Variants in APBA2 observed in about 807,000 individuals in gnomAD.
APBA2 encodes amyloid beta precursor protein binding family A member 2, also known as amyloid-beta A4 precursor protein-binding family A member 2.
In APBA2, 30 loss-of-function variants were observed where a neutral mutation model predicts 75.0. That is an observed-to-expected ratio of 0.40 (90% CI 0.30 to 0.54). APBA2 has a LOEUF of 0.54. Among genes scored for constraint, APBA2 ranks in the 20% least tolerant of loss-of-function variants. The probability of loss-of-function intolerance (pLI) is 0.49; values close to 1 mark genes in which losing one functional copy is unlikely to be tolerated. For missense variants in APBA2, 801 were observed against 1,016.1 expected, an observed-to-expected ratio of 0.79 and a Z score of 2.88; for synonymous variants, 444 against 409.6, an observed-to-expected ratio of 1.08 and a Z score of -1.01.
chr15:28,997,162 C>G (rs1437961206), intron 3 of APBA2, among the ~76,000 whole-genome samples: 1 of 152,206 alleles, frequency 6.6e-6, no homozygotes, highest in African/African-American at 2.4e-5. Flanking sequence ...GGGGAGCATT[C>G]TTGTCACAAA....
chr15:28,915,299 T>TATACCAC (rs2033637501), intron 1 of APBA2, among the ~76,000 whole-genome samples: 1 of 4,372 alleles, frequency 2.3e-4, no homozygotes, highest in African/African-American at 7.8e-4. Context: ...ATACCCCATA[T>TATACCAC]ACACCACACA....
chr15:29,112,950 C>T (rs1236905312), intron 13 of APBA2, among the ~76,000 whole-genome samples: 3 of 152,136 alleles, frequency 2.0e-5, no homozygotes, highest in Non-Finnish European at 2.9e-5. Context: ...TGGCATCACA[C>T]AGTGTTTGTT....
intron 2 of APBA2, among the ~76,000 whole-genome samples, chr15:28,983,373 A>G (rs934055405): frequency 1.3e-4 from 20 of 152,072 alleles, no homozygotes; most frequent in Non-Finnish European, 2.4e-4. Flanking sequence ...GCGGGAGAGT[A>G]ATTGGCTTTG....
intron 4 of APBA2, among the ~76,000 whole-genome samples, chr15:29,059,452 T>C (rs1468789192): frequency 6.6e-6 from 1 of 152,142 alleles, no homozygotes; most frequent in Admixed American, 6.5e-5. Flanking sequence ...ATTTGCAGAT[T>C]CATGGGACAA....
chr15:28,936,757 A>G (rs1297406880), intron 2 of APBA2, among the ~76,000 whole-genome samples: 1 of 152,192 alleles, frequency 6.6e-6, no homozygotes, highest in Non-Finnish European at 1.5e-5. Context: ...GTTAAAGGGA[A>G]GCACAGTGGG....
At chr15:28,974,069 G>A (rs1473405710) in intron 2 of APBA2, among the ~76,000 whole-genome samples, 1 of 152,120 alleles carries the variant, frequency 6.6e-6, no homozygotes, top group Non-Finnish European at 1.5e-5. Flanking sequence ...GGTTCACATA[G>A]TGGCACCCAA....
intron 4 of APBA2, among the ~76,000 whole-genome samples, chr15:29,071,450 CCACTACAGTT>C (rs1482575389): frequency 1.3e-5 from 2 of 151,562 alleles, no homozygotes; most frequent in African/African-American, 4.9e-5. Flanking sequence ...GTTTCAGGCC[CCACTACAGTT>C]ACTCAGCGAC....
rs2043964560 is a variant in APBA2, at chr15:29,098,542, C to T, written c.1304C>T (p.Thr435Ile). Residue 435 changes from threonine (T) to isoleucine (I), a missense_variant, in exon 9 of 15, where the codon ACC becomes ATC. Thr to Ile is a moderately conservative substitution (Grantham distance 89). Around this residue, in one of 2 missense-constraint regions of APBA2, gnomAD observed 367 missense variants for 544.5 expected, o/e 0.67. Coordinates refer to ENST00000683413, the MANE Select transcript of APBA2 (RefSeq NM_001353788.2). ...ACGGAAGTGGACCTCTTCATTTCCA[C>T]CCAGAGGATCAAGGTTTTAAATGCA... Reference protein sequence around the residue: ...TLTEVDLFISTQRIKVLNADT... With the variant: ...TLTEVDLFISIQRIKVLNADT... The T allele has an allele frequency of 6.2e-7, 1 of 1,614,114 alleles. No individual in the cohort carries two copies. Among genetic ancestry groups the T allele is most frequent in the Non-Finnish European group, 8.5e-7 (1 of 1,179,982 alleles).
chr15:29,071,527 A>G (rs1028983470), intron 4 of APBA2, among the ~76,000 whole-genome samples: 13 of 150,694 alleles, frequency 8.6e-5, no homozygotes, highest in African/African-American at 3.2e-4. Context: ...CCTGGCTGGC[A>G]TCTTGTTTTG....
chr15:29,074,489 G>A (rs2042760423), intron 4 of APBA2, among the ~76,000 whole-genome samples: 1 of 152,172 alleles, frequency 6.6e-6, no homozygotes, highest in Non-Finnish European at 1.5e-5. Context: ...GTTGGCAGGG[G>A]CTCAGGTTGG....
intron 8 of APBA2, among the ~76,000 whole-genome samples, chr15:29,095,721 C>T (rs1051872016): frequency 2.0e-5 from 3 of 152,212 alleles, no homozygotes; most frequent in African/African-American, 7.2e-5. Flanking sequence ...AGACTTTGGT[C>T]CACCTAGGAT....
At chr15:28,957,281 T>C (rs2036223158) in intron 2 of APBA2, among the ~76,000 whole-genome samples, 1 of 152,024 alleles carries the variant, frequency 6.6e-6, no homozygotes, top group East Asian at 1.9e-4. Flanking sequence ...TTCACTGTGT[T>C]AGCCACGATG....
At chr15:28,896,453 G>A (rs1567415439) in intron 1 of APBA2, among the ~76,000 whole-genome samples, 1 of 152,134 alleles carries the variant, frequency 6.6e-6, no homozygotes. Context: ...CTAATTTTTT[G>A]TATTTTTAGT....
At chr15:29,096,478 A>G (rs2043856088) in intron 8 of APBA2, among the ~76,000 whole-genome samples, 1 of 152,214 alleles carries the variant, frequency 6.6e-6, no homozygotes, top group South Asian at 2.1e-4. Context: ...TTGAGCCACA[A>G]CCCATGAATA....
chr15:28,978,071 G>A (rs2037433855), intron 2 of APBA2, among the ~76,000 whole-genome samples: 1 of 152,204 alleles, frequency 6.6e-6, no homozygotes, highest in Admixed American at 6.5e-5. Context: ...TGAGGGCTTA[G>A]GCAAAAGACT....
intron 2 of APBA2, among the ~76,000 whole-genome samples, chr15:28,976,336 TCTTA>T (rs2037335536): frequency 1.3e-5 from 2 of 152,240 alleles, no homozygotes; most frequent in South Asian, 2.1e-4. Context: ...CTTTTTGTTT[TCTTA>T]CTTCTGTGGT....
chr15:28,951,651 C>G (rs560964391), intron 2 of APBA2, among the ~76,000 whole-genome samples: 88 of 152,208 alleles, frequency 5.8e-4, no homozygotes, highest in African/African-American at 2.0e-3. Flanking sequence ...GTGGCACGAT[C>G]TCCACTCACT....
intron 2 of APBA2, among the ~76,000 whole-genome samples, chr15:28,933,986 G>A (rs1216186652): frequency 6.6e-6 from 1 of 152,150 alleles, no homozygotes; most frequent in Non-Finnish European, 1.5e-5. Flanking sequence ...TGGGCTGGAG[G>A]TGGGGGTGGT....
At chr15:29,108,123 G>A in intron 12 of APBA2, 147 bp from the exon 13 acceptor site, 3 of 1,164,160 alleles carry the variant, frequency 2.6e-6, no homozygotes, top group Non-Finnish European at 3.7e-6. Context: ...GCACAGAGGG[G>A]CTACCGAGGC....
Sources: gnomAD v4.1 joint callset for allele counts (sites outside exome capture counted in the v4.1 genomes callset) on GRCh38, gnomAD v4.1.1 for gene constraint, gnomAD v4.1.1 regional missense constraint, MANE v1.5 for transcripts, NCBI Gene and HGNC (gene_info 2026-07-23, HGNC 2026-07-21) for gene names.